APBA2: variants seen among roughly 807,000 people sequenced by gnomAD.
The protein encoded by APBA2 is amyloid-beta A4 precursor protein-binding family A member 2.
APBA2 carries 30 observed loss-of-function variants against 75.0 expected under a neutral mutation model. That is an observed-to-expected ratio of 0.40 (90% confidence interval 0.30 to 0.54). The LOEUF is 0.54. Among genes scored for constraint, APBA2 ranks in the 20% least tolerant of loss-of-function variants. The pLI, the probability that APBA2 is intolerant of heterozygous loss-of-function variation, is 0.49. For synonymous variants in APBA2, 444 were observed against 409.6 expected (o/e 1.08, Z -1.01); for missense variants, 801 against 1,016.1 (o/e 0.79, Z 2.88).
chr15:29,001,571 C>T (rs906964124), intron 3 of APBA2, among the ~76,000 whole-genome samples: 11 of 152,092 alleles, frequency 7.2e-5, no homozygotes, highest in Non-Finnish European at 1.2e-4. Context: ...GAGTTGGGGG[C>T]GGGTAGATTG....
chr15:29,090,577 G>A (rs1444534734), intron 6 of APBA2, among the ~76,000 whole-genome samples: 1 of 152,180 alleles, frequency 6.6e-6, no homozygotes, highest in Non-Finnish European at 1.5e-5. Context: ...AGGGTGCCAG[G>A]CAGCCCCTGC....
At chr15:28,925,679 A>G (rs1437614344) in intron 2 of APBA2, among the ~76,000 whole-genome samples, 2 of 152,176 alleles carry the variant, frequency 1.3e-5, no homozygotes, top group East Asian at 3.8e-4. Context: ...ATAAATGTCA[A>G]TTCTGTTGAG....
chr15:28,988,917 C>A (rs1460161160), intron 2 of APBA2, among the ~76,000 whole-genome samples: 1 of 152,180 alleles, frequency 6.6e-6, no homozygotes, highest in Non-Finnish European at 1.5e-5. Flanking sequence ...CCACTGACAG[C>A]GTATGAGTTT....
chr15:28,888,406 C>T (rs553335009), intron 1 of APBA2, among the ~76,000 whole-genome samples: 5 of 152,152 alleles, frequency 3.3e-5, no homozygotes, highest in South Asian at 2.1e-4. Flanking sequence ...TTGGATTGGG[C>T]GGCGGTGGCT....
intron 1 of APBA2, among the ~76,000 whole-genome samples, chr15:28,887,791 C>T (rs893019245): frequency 1.3e-5 from 2 of 152,182 alleles, no homozygotes; most frequent in Non-Finnish European, 2.9e-5. Flanking sequence ...TGGGCTCTAG[C>T]AGCACTGTCA....
intron 3 of APBA2, among the ~76,000 whole-genome samples, chr15:29,004,106 A>G (rs1235979862): frequency 6.6e-6 from 1 of 152,082 alleles, no homozygotes; most frequent in East Asian, 1.9e-4. Flanking sequence ...CATGCTCCAC[A>G]CCTGCTCTCA....
intron 3 of APBA2, among the ~76,000 whole-genome samples, chr15:29,024,243 T>A (rs1055752293): frequency 5.3e-5 from 8 of 152,234 alleles, no homozygotes; most frequent in African/African-American, 1.7e-4. Flanking sequence ...CATCATTATT[T>A]GGCCATATAA....
chr15:29,063,015 G>T (rs111963991), intron 4 of APBA2, among the ~76,000 whole-genome samples: 3 of 109,274 alleles, frequency 2.7e-5, no homozygotes, highest in Non-Finnish European at 6.0e-5. Flanking sequence ...CTGTATGGGT[G>T]GGGAGGGGAG....
chr15:29,116,939 T>C (rs2152990059), intron 14 of APBA2, 123 bp from the exon 15 acceptor site: 1 of 1,083,172 alleles, frequency 9.2e-7, no homozygotes, highest in Non-Finnish European at 1.4e-6. Flanking sequence ...CCTTCCTCCT[T>C]CACTCTAGGA....
intron 4 of APBA2, among the ~76,000 whole-genome samples, chr15:29,068,174 C>G (rs2042458768): frequency 6.6e-6 from 1 of 152,208 alleles, no homozygotes; most frequent in South Asian, 2.1e-4. Context: ...GAACTGCAAG[C>G]TTGAGCCTCT....
chr15:29,023,578 C>T (rs2040064684), intron 3 of APBA2, among the ~76,000 whole-genome samples: 1 of 149,810 alleles, frequency 6.7e-6, no homozygotes, highest in Non-Finnish European at 1.5e-5. Flanking sequence ...GCCTCAGCCT[C>T]CCGAGTAACT....
chr15:29,047,902 C>G (rs2041415017), intron 3 of APBA2, among the ~76,000 whole-genome samples: 1 of 152,008 alleles, frequency 6.6e-6, no homozygotes, highest in African/African-American at 2.4e-5. Flanking sequence ...TCGCAACAGC[C>G]ACAGAAATAT....
intron 2 of APBA2, among the ~76,000 whole-genome samples, chr15:28,987,231 G>T (rs1274798965): frequency 1.3e-5 from 2 of 152,150 alleles, no homozygotes; most frequent in Non-Finnish European, 2.9e-5. Flanking sequence ...TACCATATTG[G>T]TTACCTATTT....
chr15:29,032,751 G>C (rs1314313406), intron 3 of APBA2, among the ~76,000 whole-genome samples: 1 of 151,752 alleles, frequency 6.6e-6, no homozygotes, highest in African/African-American at 2.4e-5. Context: ...CTGAGATCCA[G>C]TTCCTACAAG....
intron 3 of APBA2, among the ~76,000 whole-genome samples, chr15:29,002,196 G>T (rs2038884176): frequency 6.6e-6 from 1 of 152,134 alleles, no homozygotes; most frequent in African/African-American, 2.4e-5. Flanking sequence ...GTGCTGCTAG[G>T]CACATACGGA....
chr15:29,020,199 A>T (rs1039048444), intron 3 of APBA2, among the ~76,000 whole-genome samples: 2 of 152,090 alleles, frequency 1.3e-5, no homozygotes, highest in Non-Finnish European at 2.9e-5. Flanking sequence ...AAGCAAAAAA[A>T]GGTTTAATAC....
intron 1 of APBA2, among the ~76,000 whole-genome samples, chr15:28,914,206 G>A (rs2033562807): frequency 6.6e-6 from 1 of 152,188 alleles, no homozygotes. Context: ...GGAGTGGTCA[G>A]GCTCCCCCTG....
intron 3 of APBA2, among the ~76,000 whole-genome samples, chr15:29,023,235 G>A (rs1359361360): frequency 1.3e-5 from 2 of 152,056 alleles, no homozygotes; most frequent in Admixed American, 6.6e-5. Context: ...AGACTGAAAG[G>A]TGACAGTGAT....
At chr15:28,901,399 C>T (rs1370638148) in intron 1 of APBA2, among the ~76,000 whole-genome samples, 4 of 151,480 alleles carry the variant, frequency 2.6e-5, no homozygotes, top group African/African-American at 4.8e-5. Context: ...TTGGGCCAGG[C>T]TCTCTCTATG....
Sources: gnomAD v4.1 joint callset for allele counts (sites outside exome capture counted in the v4.1 genomes callset) on GRCh38, gnomAD v4.1.1 for gene constraint, MANE v1.5 for transcripts, NCBI Gene and HGNC (gene_info 2026-07-23, HGNC 2026-07-21) for gene names.